Variants in TRIM34 observed in about 807,000 individuals in gnomAD.
The protein encoded by TRIM34 is tripartite motif containing 34.
A neutral mutation model predicts 38.1 loss-of-function variants in TRIM34; 41 were observed. The ratio of observed to expected loss-of-function variants is 1.08; its 90% CI spans 0.84 to 1.40. TRIM34 has a LOEUF of 1.40. TRIM34 is among the 40% of genes most tolerant of loss of function. TRIM34 has a pLI of 0.00. For missense variants in TRIM34, 556 were observed against 571.4 expected, an observed-to-expected ratio of 0.97 and a Z score of 0.27; for synonymous variants, 200 against 202.5, an observed-to-expected ratio of 0.99 and a Z score of 0.10.
At chr11:5,633,731 T>C in intron 2 of TRIM34, 73 bp from the exon 3 acceptor site, 1 of 1,451,020 alleles carries the variant, frequency 6.9e-7, no homozygotes, top group Non-Finnish European at 9.2e-7. Context: ...AACTTGATTT[T>C]TTCCCTGTTT....
At chr11:5,624,143 T>G (rs1216459467), upstream of TRIM34, among the ~76,000 whole-genome samples, 1 of 152,190 alleles carries the variant, frequency 6.6e-6, no homozygotes, top group Admixed American at 6.5e-5. Flanking sequence ...GCCCTTTCTG[T>G]CCAGGGCACA....
intron 1 of TRIM34, among the ~76,000 whole-genome samples, chr11:5,630,127 C>T (rs907583708): frequency 1.3e-5 from 2 of 152,126 alleles, no homozygotes; most frequent in African/African-American, 4.8e-5. Flanking sequence ...ATGAACATAG[C>T]TTCCAGGGCC....
Position 5,634,596 on chromosome 11 carries a change from A to C in TRIM34, c.520-35A>C. 3 of 1,585,374 alleles carry C rather than the reference A, an allele frequency of 1.9e-6. No individual in the cohort carries two copies. The South Asian group carries it at 3.4e-5, about 18-fold the overall frequency. On this transcript the variant is annotated intron_variant, in intron 3 of 7. Transcript: ENST00000429814. ...TTGCACAATAGGCCTTAGCCTGACA[A>C]ACTTACTACAACTCTCTCTTGTCCA...
chr11:5,643,200 CAG>C lies in TRIM34; in HGVS notation c.962_963del (p.Arg321ThrfsTer14), dbSNP rs1850099528. ...TTTGAATCTTGTCCTTTCAGAAGAT[CAG>C]AGACAAGTGATATCTGTGCCAATTT... is the stretch of plus-strand genomic sequence containing the variant. ...LNLNLVLSED[Q>X]RQVISVPIWP... On this transcript the variant is annotated frameshift_variant, in exon 8 of 8. Coordinates refer to ENST00000429814, the MANE Select transcript of TRIM34 (RefSeq NM_021616.6). LOFTEE classifies it low-confidence loss of function (END_TRUNC). 1 of 1,608,340 alleles carries C rather than the reference CAG, an allele frequency of 6.2e-7. No homozygotes were observed. The highest frequency in any genetic ancestry group is 1.3e-5 in the African/African-American group (1 of 74,496).
Position 5,643,221 on chromosome 11 carries a change from C to A in TRIM34, c.979C>A (p.Pro327Thr), listed in dbSNP as rs1194259510. Residue 327 changes from proline (P) to threonine (T), a missense_variant, in exon 8 of 8, where the codon CCA (proline) becomes ACA (threonine). Coordinates refer to ENST00000429814, the MANE Select transcript of TRIM34 (RefSeq NM_021616.6). ...SEDQRQVISV[P>T]IWPFQCYNYG... ...AGATCAGAGACAAGTGATATCTGTGCCAATTTGGCCTTTTCAGTGTTATAA... is the reference window on the plus strand; with the variant it reads ...AGATCAGAGACAAGTGATATCTGTGACAATTTGGCCTTTTCAGTGTTATAA... 2 of 1,612,604 alleles carry A rather than the reference C, an allele frequency of 1.2e-6. No individual in the cohort carries two copies. The highest frequency in any genetic ancestry group is 2.2e-5 in the South Asian group (2 of 90,850).
At chr11:5,620,056 A>G (rs1032182078), upstream of TRIM34, 1 of 148,876 alleles carries the variant, frequency 6.7e-6, no homozygotes, top group African/African-American at 2.5e-5. Context: ...TTCTGTGTTT[A>G]CCTGTCTCTA....
At chr11:5,639,679 CAAAAAAAAAAAAAAA>C (rs58134807) in intron 4 of TRIM34, among the ~76,000 whole-genome samples, 11 of 51,130 alleles carry the variant, frequency 2.2e-4, no homozygotes, top group Admixed American at 3.1e-4. Context: ...GACTCTATTT[CAAAAAAAAAAAAAAA>C]AAAAAAAAAA....
chr11:5,643,435 G>A lies in TRIM34; in HGVS notation c.1193G>A (p.Trp398Ter), dbSNP rs1353950904. ...YTKYRPLFGY[W>*]VIGLQNKCKY... ...AAATACAGACCTCTATTTGGCTACT[G>A]GGTTATAGGGTTACAGAATAAATGT... Residue 398 changes from tryptophan to a stop codon, truncating the protein, a stop_gained, in exon 8 of 8, where the codon TGG becomes TAG. Coordinates refer to ENST00000429814, the MANE Select transcript of TRIM34 (RefSeq NM_021616.6). LOFTEE classifies it low-confidence loss of function (END_TRUNC). The A allele has an allele frequency of 6.2e-7, 1 of 1,614,128 alleles. No individual in the cohort carries two copies. The highest frequency in any genetic ancestry group is 2.2e-5 in the East Asian group (1 of 44,884).
At position 5,643,838 on chromosome 11, in the gene TRIM34, T is replaced by G; in HGVS notation, c.*129T>G. ...AGAACTTTTACTCATCCTTGAGATG[T>G]ATGGTGTATTTGGCTTGAGTTATGA... On this transcript the variant is annotated 3_prime_UTR_variant, in exon 8 of 8. Transcript: ENST00000429814. 1 of 1,254,586 alleles carries G rather than the reference T, an allele frequency of 8.0e-7. No homozygotes were observed. The highest frequency in any genetic ancestry group is 1.5e-5 in the South Asian group (1 of 64,858). 77.7% of individuals were successfully genotyped at this position (1,254,586 alleles called of 1,614,324 possible).
chr11:5,632,412 T>C lies in TRIM34; in HGVS notation c.81T>C (p.Ser27=), dbSNP rs1226510744. The change falls in exon 2 of 8, where the codon AGT becomes AGC. Residue 27 remains serine, a synonymous_variant. Transcript: ENST00000429814. The part of the protein sequence containing the change: ...ICLELLTEPL[S]LDCGHSLCRA... Reference sequence around the variant, plus strand: ...TGGAGCTGTTGACAGAACCCTTGAGTCTAGACTGTGGCCACAGCCTCTGCC... The same window carrying C: ...TGGAGCTGTTGACAGAACCCTTGAGCCTAGACTGTGGCCACAGCCTCTGCC... 1 of 1,613,690 alleles carries C rather than the reference T, an allele frequency of 6.2e-7. No homozygotes were observed. The highest frequency in any genetic ancestry group is 1.7e-5 in the Admixed American group (1 of 59,978).
intron 1 of TRIM34, among the ~76,000 whole-genome samples, chr11:5,630,244 G>A (rs534137296): frequency 7.2e-5 from 11 of 152,280 alleles, no homozygotes; most frequent in African/African-American, 2.6e-4. Flanking sequence ...GATGGTGATG[G>A]CGATGTGTTT....
intron 5 of TRIM34, 129 bp from the exon 6 acceptor site, chr11:5,642,277 T>TC: frequency 2.7e-6 from 2 of 733,474 alleles, no homozygotes; most frequent in Non-Finnish European, 4.4e-6. Flanking sequence ...CTCTCCCTTC[T>TC]CCCCCTCCTC....
At chr11:5,629,731 G>T (rs888642862) in intron 1 of TRIM34, among the ~76,000 whole-genome samples, 1 of 152,188 alleles carries the variant, frequency 6.6e-6, no homozygotes, top group African/African-American at 2.4e-5. Context: ...TTTTTGAGAC[G>T]GAGTCTCGCT....
At chr11:5,631,759 G>GT (rs571100340) in intron 1 of TRIM34, among the ~76,000 whole-genome samples, 2 of 152,044 alleles carry the variant, frequency 1.3e-5, no homozygotes, top group African/African-American at 4.8e-5. Context: ...AGACAGGGAA[G>GT]TTTTTTTTAT....
chr11:5,628,896 G>C (rs1461145843), intron 1 of TRIM34, among the ~76,000 whole-genome samples: 1 of 151,358 alleles, frequency 6.6e-6, no homozygotes, highest in African/African-American at 2.4e-5. Flanking sequence ...GGCATTCTTT[G>C]GCTTATATCT....
chr11:5,626,808 G>A (rs1366474946), intron 1 of TRIM34: 2 of 152,088 alleles, frequency 1.3e-5, no homozygotes, highest in Admixed American at 1.3e-4. Context: ...GTTGAACCCA[G>A]GAGGTGGAGG....
chr11:5,638,274 A>G (rs577007308), intron 4 of TRIM34, among the ~76,000 whole-genome samples: 19 of 152,374 alleles, frequency 1.2e-4, no homozygotes, highest in African/African-American at 4.6e-4. Context: ...ATCTGAGAAT[A>G]CAGTCAAAAT....
intron 1 of TRIM34, among the ~76,000 whole-genome samples, chr11:5,631,743 G>A (rs2342381): frequency 0.88 from 133,828 of 152,232 alleles, 58,933 homozygotes; most frequent in East Asian, 1. Flanking sequence ...TTAGTCATCT[G>A]TGGAGAGACA....
In TRIM34 at chr11:5,634,526, CACACAT is replaced by C. The variant is rs769635517; in HGVS notation, c.520-103_520-98del. ...ACACACACACACACACACACACACA[CACACAT>C]ATATATATATATATATTTCCCTACT... On this transcript the variant is annotated intron_variant, in intron 3 of 7. Coordinates refer to ENST00000429814, the MANE Select transcript of TRIM34 (RefSeq NM_021616.6). 3.0e-3 allele frequency: 1,935 copies of C among 651,460 alleles called. 4 individuals carry two copies. The highest frequency in any genetic ancestry group is 3.8e-3 in the African/African-American group (165 of 43,812). 40.4% of individuals were successfully genotyped at this position (651,460 alleles called of 1,614,324 possible).
Sources: gnomAD v4.1 joint callset for allele counts (sites outside exome capture counted in the v4.1 genomes callset) on GRCh38, gnomAD v4.1.1 for gene constraint, MANE v1.5 for transcripts, NCBI Gene and HGNC (gene_info 2026-07-23, HGNC 2026-07-21) for gene names.